LRRC69: variants seen among roughly 807,000 people sequenced by gnomAD.
LRRC69 encodes leucine-rich repeat-containing protein 69.
LRRC69 carries 42 observed loss-of-function variants against 37.8 expected under a neutral mutation model. That is an observed-to-expected ratio of 1.11 (90% CI 0.87 to 1.44). The LOEUF (loss-of-function observed/expected upper bound fraction) is 1.44. Among genes scored for constraint, LRRC69 ranks in the 40% most tolerant of loss-of-function variants. The probability of loss-of-function intolerance (pLI) is 0.00; values close to 1 mark genes in which losing one functional copy is unlikely to be tolerated. For synonymous variants in LRRC69, 141 were observed against 143.1 expected (o/e 0.99, Z 0.11); for missense variants, 357 against 401.9 (o/e 0.89, Z 0.96).
At chr8:91,139,691 A>C (rs1340174442) in intron 5 of LRRC69, among the ~76,000 whole-genome samples, 2 of 151,922 alleles carry the variant, frequency 1.3e-5, no homozygotes, top group African/African-American at 2.4e-5. Flanking sequence ...GGACCTCTTC[A>C]TGTGTGTTTT....
chr8:91,104,297 A>G (rs1813270165), intron 1 of LRRC69, among the ~76,000 whole-genome samples: 1 of 151,264 alleles, frequency 6.6e-6, no homozygotes, highest in South Asian at 2.1e-4. Flanking sequence ...CCCCTCACAA[A>G]CTCTGAAGTT....
intron 5 of LRRC69, among the ~76,000 whole-genome samples, chr8:91,170,302 T>TC: frequency 1.3e-5 from 1 of 79,294 alleles, no homozygotes; most frequent in Non-Finnish European, 2.8e-5. Flanking sequence ...TCATGTGTTT[T>TC]TTGCTGCATA....
intron 5 of LRRC69, among the ~76,000 whole-genome samples, chr8:91,147,110 A>G (rs1808633752): frequency 6.6e-6 from 1 of 151,460 alleles, no homozygotes. Context: ...TTTAGAGTCT[A>G]TAAGAATCAG....
chr8:91,155,723 G>C (rs748736909), intron 5 of LRRC69, among the ~76,000 whole-genome samples: 13 of 150,618 alleles, frequency 8.6e-5, no homozygotes, highest in Non-Finnish European at 1.3e-4. Context: ...ACACATGAGT[G>C]ATAACATGCG....
chr8:91,120,885 G>A (rs1371055894), intron 1 of LRRC69, among the ~76,000 whole-genome samples: 1 of 151,820 alleles, frequency 6.6e-6, no homozygotes, highest in South Asian at 2.1e-4. Context: ...TGATTACTCC[G>A]GAGAACCCTA....
At chr8:91,214,910 G>C (rs1473768190) in intron 7 of LRRC69, among the ~76,000 whole-genome samples, 1 of 151,898 alleles carries the variant, frequency 6.6e-6, no homozygotes, top group Non-Finnish European at 1.5e-5. Flanking sequence ...GAGGCTCCTG[G>C]GGGGAACCAT....
intron 7 of LRRC69, among the ~76,000 whole-genome samples, chr8:91,203,055 T>C (rs189218370): frequency 1.2e-4 from 18 of 152,114 alleles, no homozygotes; most frequent in African/African-American, 4.3e-4. Context: ...AAGGGAGAAG[T>C]AGGCTTGTTG....
intron 5 of LRRC69, among the ~76,000 whole-genome samples, chr8:91,179,555 T>C (rs1809289460): frequency 6.6e-6 from 1 of 152,316 alleles, no homozygotes; most frequent in African/African-American, 2.4e-5. Context: ...AATATAATGC[T>C]CAAGATATTT....
intron 1 of LRRC69, among the ~76,000 whole-genome samples, chr8:91,110,343 A>C (rs1425450647): frequency 6.6e-6 from 1 of 152,036 alleles, no homozygotes; most frequent in East Asian, 1.9e-4. Flanking sequence ...TTAATACTTA[A>C]AAAGGTTTTA....
intron 6 of LRRC69, among the ~76,000 whole-genome samples, chr8:91,199,881 C>T (rs976499731): frequency 6.6e-6 from 1 of 152,110 alleles, no homozygotes; most frequent in African/African-American, 2.4e-5. Context: ...AAGGCAACTT[C>T]CATTTTCTTA....
intron 5 of LRRC69, among the ~76,000 whole-genome samples, chr8:91,151,506 CTATG>C (rs1808736949): frequency 6.7e-6 from 1 of 149,878 alleles, no homozygotes; most frequent in Non-Finnish European, 1.5e-5. Context: ...TTACTTCCAA[CTATG>C]TATGTACCAC....
intron 7 of LRRC69, among the ~76,000 whole-genome samples, chr8:91,213,089 G>A (rs1167325287): frequency 6.6e-6 from 1 of 152,098 alleles, no homozygotes; most frequent in African/African-American, 2.4e-5. Flanking sequence ...TTCTGAAGCT[G>A]TGTATCATCA....
chr8:91,185,514 C>G (rs940568763), intron 5 of LRRC69, among the ~76,000 whole-genome samples: 5 of 152,130 alleles, frequency 3.3e-5, no homozygotes, highest in African/African-American at 1.2e-4. Flanking sequence ...CTCTAGGTCA[C>G]TTTCTGACTA....
chr8:91,110,904 G>A (rs1813398207), intron 1 of LRRC69, among the ~76,000 whole-genome samples: 1 of 151,800 alleles, frequency 6.6e-6, no homozygotes, highest in African/African-American at 2.4e-5. Context: ...AATAAAGCTG[G>A]GCAAATTAGA....
chr8:91,122,602 T>C (rs1428327555), intron 1 of LRRC69, among the ~76,000 whole-genome samples: 3 of 152,074 alleles, frequency 2.0e-5, no homozygotes, highest in Admixed American at 6.6e-5. Flanking sequence ...TTCATGAAAC[T>C]GTGGCAGGTT....
chr8:91,158,134 T>C, intron 5 of LRRC69: 1 of 1,597,270 alleles, frequency 6.3e-7, no homozygotes, highest in South Asian at 1.1e-5. Flanking sequence ...CAGGTGAAAC[T>C]CTCACTTACC....
chr8:91,157,754 T>C, intron 5 of LRRC69: 1 of 1,607,420 alleles, frequency 6.2e-7, no homozygotes, highest in African/African-American at 1.3e-5. Context: ...TTCCACCTTC[T>C]ACCTGGGAGA....
At position 91,157,533 on chromosome 8, in the gene LRRC69, A is replaced by G. The variant is rs1586253849; in HGVS notation, c.651+21794A>G. On this transcript the variant is annotated intron_variant, in intron 5 of 7. Coordinates refer to ENST00000448384, the Ensembl canonical transcript of LRRC69. Reference sequence around the variant, plus strand: ...AGGAGTTCTATTTGTTTCCTATAGTATTTAATGAGAATGAGGGTTTACTCC... The same window carrying G: ...AGGAGTTCTATTTGTTTCCTATAGTGTTTAATGAGAATGAGGGTTTACTCC... The G allele has an allele frequency of 3.3e-6, 5 of 1,530,956 alleles. No individual in the cohort carries two copies. In the Admixed American group the frequency reaches 6.9e-5, roughly 21 times the overall value. 94.8% of individuals were successfully genotyped at this position (1,530,956 alleles called of 1,614,324 possible). A position where few individuals can be genotyped will look rare whatever the true frequency, so the allele number is the denominator to read the frequency against.
In LRRC69 at chr8:91,104,467, C is replaced by T. The variant is rs1813272760; in HGVS notation, c.183+1623C>T. On this transcript the variant is annotated intron_variant, in intron 1 of 7. Transcript: ENST00000448384. Reference sequence around the variant, plus strand: ...ATTAATCTATGATTATATTTTCTTTCTTATATGCCATTTTTGTTCCCTTGG... The same window carrying T: ...ATTAATCTATGATTATATTTTCTTTTTTATATGCCATTTTTGTTCCCTTGG... 2.6e-5 allele frequency among the ~76,000 whole-genome samples: 4 copies of T among 151,852 alleles called. No homozygotes were observed. In the South Asian group the frequency reaches 6.2e-4, roughly 24 times the overall value.
Sources: gnomAD v4.1 joint callset for allele counts (sites outside exome capture counted in the v4.1 genomes callset) on GRCh38, gnomAD v4.1.1 for gene constraint, MANE v1.5 for transcripts, NCBI Gene and HGNC (gene_info 2026-07-23, HGNC 2026-07-21) for gene names.